CNTNAP4: variants seen among roughly 807,000 people sequenced by gnomAD.
CNTNAP4 encodes contactin associated protein family member 4, also known as contactin-associated protein-like 4.
CNTNAP4 carries 98 observed loss-of-function variants against 148.4 expected under a neutral mutation model. The ratio of observed to expected loss-of-function variants is 0.66; its 90% CI spans 0.56 to 0.78. CNTNAP4 has a LOEUF of 0.78. CNTNAP4 is among the 30% of genes least tolerant of loss of function. The pLI, the probability that CNTNAP4 is intolerant of heterozygous loss-of-function variation, is 0.00. For synonymous variants in CNTNAP4, 730 were observed against 565.1 expected (o/e 1.29, Z -4.14); for missense variants, 1,935 against 1,565.6 (o/e 1.24, Z -3.98).
At chr16:76,385,449 C>T (rs2016426614) in intron 3 of CNTNAP4, among the ~76,000 whole-genome samples, 1 of 151,818 alleles carries the variant, frequency 6.6e-6, no homozygotes. Flanking sequence ...AAAATAGAAA[C>T]AACTGTAATT....
At chr16:76,537,379 G>A (rs926528873) in intron 18 of CNTNAP4, among the ~76,000 whole-genome samples, 1 of 152,058 alleles carries the variant, frequency 6.6e-6, no homozygotes, top group Non-Finnish European at 1.5e-5. Context: ...GAGAGAAGCA[G>A]ATTCAGGGAT....
At chr16:76,337,505 C>T (rs1964117739) in intron 2 of CNTNAP4, among the ~76,000 whole-genome samples, 1 of 152,084 alleles carries the variant, frequency 6.6e-6, no homozygotes. Context: ...TCACAGGGAT[C>T]ACATGCTTCA....
intron 3 of CNTNAP4, among the ~76,000 whole-genome samples, chr16:76,411,692 C>G (rs2078800564): frequency 6.6e-6 from 1 of 151,220 alleles, no homozygotes; most frequent in African/African-American, 2.4e-5. Flanking sequence ...TCTATTTTTG[C>G]TTTTGGATAA....
At chr16:76,541,706 C>G (rs7204989) in intron 21 of CNTNAP4, among the ~76,000 whole-genome samples, 35,010 of 152,070 alleles carry the variant, frequency 0.23, 5,003 homozygotes, top group Middle Eastern at 0.34. Flanking sequence ...GGTGAATGAT[C>G]AAAATATTGG....
intron 3 of CNTNAP4, among the ~76,000 whole-genome samples, chr16:76,414,787 A>G (rs981385752): frequency 1.3e-5 from 2 of 151,366 alleles, no homozygotes; most frequent in African/African-American, 4.8e-5. Context: ...AATTTGTAAA[A>G]TTAGTGGCAT....
intron 3 of CNTNAP4, among the ~76,000 whole-genome samples, chr16:76,367,070 CTT>C (rs990916759): frequency 1.3e-5 from 2 of 151,566 alleles, no homozygotes; most frequent in Admixed American, 6.6e-5. Flanking sequence ...TTAATTAAAA[CTT>C]ATTGATACTG....
At chr16:76,334,520 A>G (rs903336503) in intron 2 of CNTNAP4, among the ~76,000 whole-genome samples, 1 of 152,190 alleles carries the variant, frequency 6.6e-6, no homozygotes, top group African/African-American at 2.4e-5. Context: ...CCTTCAAACA[A>G]AACTCTAATA....
Position 76,553,382 on chromosome 16 carries a change from C to T in CNTNAP4, c.3542C>T (p.Ala1181Val), listed in dbSNP as rs755384012. 3.1e-6 allele frequency: 5 copies of T among 1,612,568 alleles called. No homozygotes were observed. In the African/African-American group the frequency reaches 6.7e-5, roughly 22 times the overall value. Reference protein sequence around the residue: ...VQLSHVAPLKAALHPSHPDPV... With the variant: ...VQLSHVAPLKVALHPSHPDPV... ...CTCAGCCACGTGGCCCCTCTGAAGGCAGCTCTGCACCCCAGCCACCCAGAC... is the reference window on the plus strand; with the variant it reads ...CTCAGCCACGTGGCCCCTCTGAAGGTAGCTCTGCACCCCAGCCACCCAGAC... The change falls in exon 22 of 24, where the codon GCA becomes GTA. Residue 1181 changes from alanine (A) to valine (V), a missense_variant. By Grantham distance (64) the Ala-to-Val change is moderately conservative. Transcript: ENST00000611870.
At chr16:76,342,582 C>T (rs949538024) in intron 2 of CNTNAP4, among the ~76,000 whole-genome samples, 1 of 148,414 alleles carries the variant, frequency 6.7e-6, no homozygotes, top group South Asian at 2.1e-4. Flanking sequence ...ACACCATTCT[C>T]CTGTGTCAGC....
At chr16:76,358,739 A>C in intron 3 of CNTNAP4, among the ~76,000 whole-genome samples, 1 of 152,218 alleles carries the variant, frequency 6.6e-6, no homozygotes, top group Admixed American at 6.5e-5. Flanking sequence ...TTAAATGTCA[A>C]GATCAAAGTT....
chr16:76,453,515 T>G (rs1219614219), intron 8 of CNTNAP4, among the ~76,000 whole-genome samples: 1 of 152,188 alleles, frequency 6.6e-6, no homozygotes, highest in Non-Finnish European at 1.5e-5. Flanking sequence ...TTTTTACGTA[T>G]GTACAATGGC....
At chr16:76,540,283 T>G (rs957021567) in intron 20 of CNTNAP4, among the ~76,000 whole-genome samples, 4 of 152,034 alleles carry the variant, frequency 2.6e-5, no homozygotes, top group South Asian at 4.1e-4. Flanking sequence ...CACTAATAAT[T>G]TTTTGGTTCT....
intron 3 of CNTNAP4, among the ~76,000 whole-genome samples, chr16:76,372,631 C>G (rs2014973999): frequency 6.6e-6 from 1 of 152,146 alleles, no homozygotes; most frequent in South Asian, 2.1e-4. Context: ...GGCTCTCATT[C>G]TGTCTTTTCT....
At chr16:76,308,122 C>G (rs1348307562) in intron 1 of CNTNAP4, among the ~76,000 whole-genome samples, 1 of 97,314 alleles carries the variant, frequency 1.0e-5, no homozygotes, top group Non-Finnish European at 2.1e-5. Context: ...ATTGCAGGAA[C>G]ATTTTTTTTT....
At position 76,524,323 on chromosome 16, in the gene CNTNAP4, T is replaced by C. The variant is rs561406382; in HGVS notation, c.2755+2066T>C. Among the ~76,000 whole-genome samples, 8 of 152,258 alleles carry C rather than the reference T, an allele frequency of 5.3e-5. No homozygotes were observed. The South Asian group carries it at 1.7e-3, about 32-fold the overall frequency. On this transcript the variant is annotated intron_variant, in intron 17 of 23. Transcript: ENST00000611870. ...CACGCTAGAAGCTCAGTCAGGAAATTGACAAAGCTATTTCTTGAATTACAA... is the reference window on the plus strand; with the variant it reads ...CACGCTAGAAGCTCAGTCAGGAAATCGACAAAGCTATTTCTTGAATTACAA...
At chr16:76,546,857 C>A (rs1207699849) in intron 21 of CNTNAP4, among the ~76,000 whole-genome samples, 1 of 152,116 alleles carries the variant, frequency 6.6e-6, no homozygotes, top group African/African-American at 2.4e-5. Context: ...AGAGATGATT[C>A]TCATGCCATC....
intron 15 of CNTNAP4, among the ~76,000 whole-genome samples, chr16:76,511,157 C>T (rs374262336): frequency 2.6e-5 from 4 of 152,088 alleles, no homozygotes; most frequent in African/African-American, 9.7e-5. Context: ...AACTCTTTGG[C>T]GTTTGAATTT....
intron 3 of CNTNAP4, among the ~76,000 whole-genome samples, chr16:76,402,341 T>C (rs1299049988): frequency 6.6e-6 from 1 of 151,290 alleles, no homozygotes; most frequent in Non-Finnish European, 1.5e-5. Context: ...GAGTAGTTTC[T>C]GATGTTTCTG....
intron 15 of CNTNAP4, among the ~76,000 whole-genome samples, chr16:76,518,568 G>T (rs541621073): frequency 6.6e-6 from 1 of 151,744 alleles, no homozygotes; most frequent in Non-Finnish European, 1.5e-5. Context: ...ATATTTATGG[G>T]GTACGTGTGA....
Sources: gnomAD v4.1 joint callset for allele counts (sites outside exome capture counted in the v4.1 genomes callset) on GRCh38, gnomAD v4.1.1 for gene constraint, MANE v1.5 for transcripts, NCBI Gene and HGNC (gene_info 2026-07-23, HGNC 2026-07-21) for gene names.